The following RDX variants were observed in gnomAD, a reference collection of about 807,000 sequenced individuals.
RDX encodes the protein deafness, autosomal recessive 24.
A neutral mutation model predicts 83.7 loss-of-function variants in RDX; 32 were observed. The observed-to-expected ratio is 0.38, with a 90% CI of 0.29 to 0.51. The LOEUF is 0.51. Ranked by LOEUF, RDX falls within the 20% of genes least tolerant of loss-of-function variation. The pLI is 0.87. For missense variants in RDX, 600 were observed against 689.9 expected, an observed-to-expected ratio of 0.87 and a Z score of 1.46; for synonymous variants, 229 against 222.7, an observed-to-expected ratio of 1.03 and a Z score of -0.25.
intron 3 of RDX, among the ~76,000 whole-genome samples, chr11:110,269,820 T>C (rs1208257517): frequency 6.6e-6 from 1 of 152,032 alleles, no homozygotes; most frequent in Admixed American, 6.6e-5. Flanking sequence ...GGCGGATCAC[T>C]TGAGCTCAGA....
chr11:110,280,706 T>C (rs927900443), intron 1 of RDX, among the ~76,000 whole-genome samples: 2 of 152,252 alleles, frequency 1.3e-5, no homozygotes, highest in African/African-American at 4.8e-5. Flanking sequence ...TTAGGACCTG[T>C]AATCCCAGCT....
In RDX at chr11:110,295,653, A is replaced by AAAAAC. The variant is rs1555051127; in HGVS notation, c.-65+809_-65+813dup. Among the ~76,000 whole-genome samples, 50 of 150,954 alleles carry AAAAAC rather than the reference A, an allele frequency of 3.3e-4. 1 individual carries two copies. Among genetic ancestry groups the AAAAAC allele is most frequent in the African/African-American group, 9.8e-4 (40 of 40,976 alleles). Reference sequence around the variant, plus strand: ...AGTCTGTTTAAACTGAAAAAAAAAAAAAAACAAAAATGCACTGCCCCCTTT... The same window carrying AAAAAC: ...AGTCTGTTTAAACTGAAAAAAAAAAAAAAACAAAACAAAAATGCACTGCCCCCTTT... On this transcript the variant is annotated intron_variant, in intron 1 of 13. Transcript: ENST00000645495.
chr11:110,241,845 G>T (rs1182896302), intron 10 of RDX, among the ~76,000 whole-genome samples: 1 of 152,146 alleles, frequency 6.6e-6, no homozygotes. Flanking sequence ...ATATCATTCA[G>T]CCTTAAAGGA....
chr11:110,208,083 G>C (rs1037266050), intron 14 of RDX, among the ~76,000 whole-genome samples: 4 of 151,676 alleles, frequency 2.6e-5, no homozygotes, highest in South Asian at 2.1e-4. Flanking sequence ...GCCTACCAAA[G>C]TGCTGGGGTT....
downstream of RDX, among the ~76,000 whole-genome samples, chr11:110,225,123 C>A (rs1864389003): frequency 6.6e-6 from 1 of 152,182 alleles, no homozygotes; most frequent in Non-Finnish European, 1.5e-5. Flanking sequence ...TAGAGACTAA[C>A]CATATACGTA....
intron 9 of RDX, among the ~76,000 whole-genome samples, chr11:110,250,274 G>A (rs1859274995): frequency 6.6e-6 from 1 of 152,180 alleles, no homozygotes; most frequent in South Asian, 2.1e-4. Context: ...CAAAAGCACA[G>A]TACTTTTCAA....
chr11:110,258,259 A>G (rs1366673394), intron 5 of RDX, 70 bp from the exon 6 acceptor site: 1 of 1,032,924 alleles, frequency 9.7e-7, no homozygotes, highest in Non-Finnish European at 1.4e-6. Flanking sequence ...TTAAAAGTAA[A>G]GAATCCTTTC....
In RDX at chr11:110,182,857, C is replaced by T. The variant is rs1479722191; in HGVS notation, c.*32-7623G>A. On this transcript the variant is annotated intron_variant, in intron 15 of 15. Coordinates refer to the RDX transcript ENST00000528498. ...ACTGAAGATGAGTTCTGAGCGTCTA[C>T]GGATTCTATGTATTTGGGGAGGAAC... Among the ~76,000 whole-genome samples the T allele has an allele frequency of 4.6e-5, 7 of 152,254 alleles. No homozygotes were observed. The South Asian group carries it at 1.0e-3, about 23-fold the overall frequency.
intron 14 of RDX, among the ~76,000 whole-genome samples, chr11:110,215,049 A>AAAAAT (rs1355797892): frequency 1.0e-5 from 1 of 97,270 alleles, no homozygotes; most frequent in African/African-American, 3.7e-5. Flanking sequence ...AAAAAAAAAA[A>AAAAAT]ATATATATAT....
chr11:110,283,112 C>T (rs938859580), intron 1 of RDX, among the ~76,000 whole-genome samples: 2 of 152,070 alleles, frequency 1.3e-5, no homozygotes, highest in South Asian at 2.1e-4. Flanking sequence ...AAAATGAAAT[C>T]TGTAAACTTG....
intron 1 of RDX, among the ~76,000 whole-genome samples, chr11:110,280,197 G>C (rs2134423754): frequency 6.6e-6 from 1 of 151,906 alleles, no homozygotes; most frequent in South Asian, 2.1e-4. Flanking sequence ...AAAAACAAAA[G>C]GAAATTCTGA....
intron 1 of RDX, among the ~76,000 whole-genome samples, chr11:110,295,308 T>A (rs372185475): frequency 1.1e-4 from 14 of 127,328 alleles, no homozygotes; most frequent in South Asian, 7.8e-4. Flanking sequence ...TTTAGTGTTC[T>A]AAAAAAAAAA....
At chr11:110,252,848 C>T (rs759567341) in intron 9 of RDX, among the ~76,000 whole-genome samples, 3 of 152,048 alleles carry the variant, frequency 2.0e-5, no homozygotes, top group African/African-American at 4.8e-5. Context: ...CCCTGATTGT[C>T]TTCAAACTCC....
chr11:110,200,915 G>T (rs767202292), intron 14 of RDX, among the ~76,000 whole-genome samples: 5 of 152,032 alleles, frequency 3.3e-5, no homozygotes, highest in Non-Finnish European at 5.9e-5. Flanking sequence ...GCCATTTCAG[G>T]CTGAGTAATT....
At chr11:110,283,228 A>G (rs1205747045) in intron 1 of RDX, among the ~76,000 whole-genome samples, 1 of 152,116 alleles carries the variant, frequency 6.6e-6, no homozygotes, top group Non-Finnish European at 1.5e-5. Flanking sequence ...ATCTTGGCTC[A>G]CTGCAACCTC....
intron 1 of RDX, among the ~76,000 whole-genome samples, chr11:110,288,696 T>C (rs940737236): frequency 2.0e-5 from 3 of 152,154 alleles, no homozygotes; most frequent in Non-Finnish European, 4.4e-5. Flanking sequence ...TATAAAAAAA[T>C]TAAGCTTCTA....
chr11:110,290,792 A>G (rs1861211775), intron 1 of RDX, among the ~76,000 whole-genome samples: 1 of 151,924 alleles, frequency 6.6e-6, no homozygotes, highest in Non-Finnish European at 1.5e-5. Context: ...GCCATAGATA[A>G]TATGTAAACA....
chr11:110,224,810 C>A (rs1864378554), downstream of RDX, among the ~76,000 whole-genome samples: 1 of 152,128 alleles, frequency 6.6e-6, no homozygotes, highest in South Asian at 2.1e-4. Context: ...ATTCCATGGC[C>A]ACGGCCTTTC....
intron 14 of RDX, among the ~76,000 whole-genome samples, chr11:110,200,566 C>G (rs1863366329): frequency 6.6e-6 from 1 of 152,044 alleles, no homozygotes; most frequent in South Asian, 2.1e-4. Flanking sequence ...GAGTTATGAA[C>G]CAAAAGGGCA....
Sources: gnomAD v4.1 joint callset for allele counts (sites outside exome capture counted in the v4.1 genomes callset) on GRCh38, gnomAD v4.1.1 for gene constraint, MANE v1.5 for transcripts, NCBI Gene and HGNC (gene_info 2026-07-23, HGNC 2026-07-21) for gene names.